The following CORO1C variants were observed in gnomAD, a reference collection of about 807,000 sequenced individuals.
CORO1C encodes the protein coronin 1C, also known as coronin-1C.
In CORO1C, 14 loss-of-function variants were observed where a neutral mutation model predicts 51.2. The ratio of observed to expected loss-of-function variants is 0.27; its 90% CI spans 0.18 to 0.43. The LOEUF (loss-of-function observed/expected upper bound fraction) is 0.43, where lower values mean the gene tolerates loss of function less well. Among genes scored for constraint, CORO1C ranks in the 20% least tolerant of loss-of-function variants. CORO1C has a pLI of 1.00. For synonymous variants in CORO1C, 181 were observed against 210.5 expected (o/e 0.86, Z 1.21); for missense variants, 417 against 607.8 (o/e 0.69, Z 3.30).
chr12:108,655,459 C>T (rs2032911604), intron 6 of CORO1C, among the ~76,000 whole-genome samples: 1 of 150,422 alleles, frequency 6.6e-6, no homozygotes, highest in African/African-American at 2.4e-5. Flanking sequence ...GCTGCCATCT[C>T]GACTCACTGC....
At chr12:108,707,743 A>C (rs978926196) in intron 1 of CORO1C, among the ~76,000 whole-genome samples, 2 of 152,224 alleles carry the variant, frequency 1.3e-5, no homozygotes, top group Non-Finnish European at 1.5e-5. Flanking sequence ...ATCTGATAAG[A>C]CACTTGTATC....
In CORO1C at chr12:108,682,037, A is replaced by G. The variant is rs1211819282; in HGVS notation, c.196-3643T>C. Among the ~76,000 whole-genome samples, 3 of 149,978 alleles carry G rather than the reference A, an allele frequency of 2.0e-5. No homozygotes were observed. In the East Asian group the frequency reaches 6.0e-4, roughly 30 times the overall value. On this transcript the variant is annotated intron_variant, in intron 2 of 10. Coordinates refer to ENST00000261401, the MANE Select transcript of CORO1C (RefSeq NM_014325.4). ...TACTAAAAGGAAAGAGAGAGAATGTATAATTTCTGGGGGTGGGTGGGGGTG... is the reference window on the plus strand; with the variant it reads ...TACTAAAAGGAAAGAGAGAGAATGTGTAATTTCTGGGGGTGGGTGGGGGTG...
At chr12:108,684,070 C>T (rs1257437128) in intron 2 of CORO1C, among the ~76,000 whole-genome samples, 1 of 152,032 alleles carries the variant, frequency 6.6e-6, no homozygotes, top group Admixed American at 6.6e-5. Context: ...TTACAAAGTG[C>T]AAGAAGAGGT....
chr12:108,663,335 C>A (rs117619728), intron 3 of CORO1C, among the ~76,000 whole-genome samples: 4,588 of 152,296 alleles, frequency 0.03, 89 homozygotes, highest in Non-Finnish European at 0.049. Context: ...TAGGGATATA[C>A]CCAAGAGGAT....
chr12:108,702,804 C>T (rs1002011833), intron 1 of CORO1C: 56 of 1,528,944 alleles, frequency 3.7e-5, no homozygotes, highest in East Asian at 4.9e-5. Flanking sequence ...ACCCTTCCAA[C>T]GCATGTGTGA....
Position 108,658,789 on chromosome 12 carries a change from G to A in CORO1C, c.579C>T (p.Ser193=), listed in dbSNP as rs773909841. 1.9e-6 allele frequency: 3 copies of A among 1,613,136 alleles called. No individual in the cohort carries two copies. The South Asian group carries it at 3.3e-5, about 18-fold the overall frequency. Residue 193 remains serine (S), a synonymous_variant, in exon 5 of 11, where the codon TCC becomes TCT. Transcript: ENST00000261401. The surrounding 1 kb of genome is among the most constrained non-coding windows in gnomAD (Gnocchi z 4.9). ...NRNGSLICTA[S]KDKKVRVIDP... is the part of the protein sequence containing the mutation. ...CAATGACTCTCACTTTCTTGTCTTT[G>A]GAAGCTGTGCAGATCAGACTGCCAT... is the stretch of plus-strand genomic sequence containing the variant.
At chr12:108,725,800 A>AATTT (rs201740792) in intron 1 of CORO1C, among the ~76,000 whole-genome samples, 330 of 151,268 alleles carry the variant, frequency 2.2e-3, no homozygotes, top group Admixed American at 3.2e-3. Flanking sequence ...GTGCTAAGTG[A>AATTT]ATTTATTTAT....
intron 1 of CORO1C, chr12:108,702,994 G>A: frequency 6.8e-7 from 1 of 1,469,406 alleles, no homozygotes; most frequent in Non-Finnish European, 9.0e-7. Flanking sequence ...CGTGGCCAGG[G>A]TCCTTCATTT....
intron 2 of CORO1C, among the ~76,000 whole-genome samples, chr12:108,681,577 AC>A (rs1233947071): frequency 6.6e-6 from 1 of 152,188 alleles, no homozygotes; most frequent in African/African-American, 2.4e-5. Context: ...AAGAAAAACC[AC>A]CACCCTTGTA....
At chr12:108,689,516 A>G (rs796271185) in intron 2 of CORO1C, among the ~76,000 whole-genome samples, 8 of 152,284 alleles carry the variant, frequency 5.3e-5, no homozygotes, top group African/African-American at 1.9e-4. Flanking sequence ...TGCTTTCTAC[A>G]CGGTTTCCCT....
intron 1 of CORO1C, among the ~76,000 whole-genome samples, chr12:108,715,017 G>C (rs756667040): frequency 1.3e-5 from 2 of 152,148 alleles, no homozygotes; most frequent in African/African-American, 2.4e-5. Flanking sequence ...AGTCTGACAA[G>C]AAGTAAAATG....
At position 108,646,293 on chromosome 12, in the gene CORO1C, G is replaced by A. The variant is rs2032358683; in HGVS notation, c.*1110C>T. The A allele has an allele frequency of 6.6e-6, 1 of 152,196 alleles. No homozygotes were observed. The highest frequency in any genetic ancestry group is 2.1e-4 in the South Asian group (1 of 4,832). 9.4% of individuals were successfully genotyped at this position (152,196 alleles called of 1,614,324 possible). A position where few individuals can be genotyped will look rare whatever the true frequency, so the allele number is the denominator to read the frequency against. ...CAGGAGCTTTGTTGGTGGAAGGAGA[G>A]CCACTTCCTCCTCCAACACAGCATG... On this transcript the variant is annotated 3_prime_UTR_variant, in exon 11 of 11. Coordinates refer to ENST00000261401, the MANE Select transcript of CORO1C (RefSeq NM_014325.4).
At chr12:108,690,596 C>G (rs550105079) in intron 2 of CORO1C, among the ~76,000 whole-genome samples, 101 of 152,182 alleles carry the variant, frequency 6.6e-4, no homozygotes, top group Non-Finnish European at 7.5e-4. Flanking sequence ...GAAAAGTTAA[C>G]ATTTCCTTAC....
rs2032488643 is a variant in CORO1C, at chr12:108,648,593, A to G, written c.1305+12T>C. On this transcript the variant is annotated intron_variant, in intron 10 of 10. Coordinates refer to ENST00000261401, the MANE Select transcript of CORO1C (RefSeq NM_014325.4). ...AACCAGCCAAGCACCCCTGCACTCC[A>G]CTGGTCCTCACCACACTGGCCGTGT... 1.9e-6 allele frequency: 3 copies of G among 1,613,880 alleles called. No individual in the cohort carries two copies.
At chr12:108,654,439 ATGTG>A in intron 6 of CORO1C, 29 bp from the exon 7 acceptor site, 3 of 1,222,792 alleles carry the variant, frequency 2.5e-6, no homozygotes, top group Non-Finnish European at 2.4e-6. Context: ...TAATACATAT[ATGTG>A]TATGTATACA....
chr12:108,729,761 C>G (rs2035673776), intron 1 of CORO1C, among the ~76,000 whole-genome samples: 1 of 152,200 alleles, frequency 6.6e-6, no homozygotes, highest in African/African-American at 2.4e-5. Context: ...AGATTTTGCA[C>G]ATTTCTTCAG....
chr12:108,672,376 T>C (rs1320655424), intron 3 of CORO1C, among the ~76,000 whole-genome samples: 3 of 152,240 alleles, frequency 2.0e-5, no homozygotes, highest in Admixed American at 6.5e-5. Flanking sequence ...AAAAGTTGTT[T>C]AGTTTTTCAA....
At chr12:108,666,086 C>A (rs1331551416) in intron 3 of CORO1C, among the ~76,000 whole-genome samples, 1 of 152,176 alleles carries the variant, frequency 6.6e-6, no homozygotes, top group Admixed American at 6.5e-5. Context: ...CAGGAGGGCT[C>A]CCTGAGGAGG....
In CORO1C at chr12:108,647,515, T is replaced by G; in HGVS notation, c.1313A>C (p.Glu438Ala). 1.2e-6 allele frequency: 2 copies of G among 1,601,066 alleles called. No homozygotes were observed. The highest frequency in any genetic ancestry group is 1.1e-5 in the South Asian group (1 of 89,638). Residue 438 changes from glutamate to alanine, a missense_variant, in exon 11 of 11, where the codon GAA becomes GCA. Physicochemically the swap from Glu to Ala is moderately radical, Grantham distance 107. Coordinates refer to ENST00000261401, the MANE Select transcript of CORO1C (RefSeq NM_014325.4). The stretch of plus-strand genomic sequence containing the variant: ...TTTTAAAATCTCATCCAACTTGGCT[T>G]CATTTTGCTAAGAAAACAAAAAAAG... ...KTTDTASVQNEAKLDEILKEI... is the reference protein window; with the variant it reads ...KTTDTASVQNAAKLDEILKEI...
Sources: allele counts gnomAD v4.1 joint callset (sites outside exome capture counted in the v4.1 genomes callset), GRCh38; gene constraint gnomAD v4.1.1; non-coding constraint Gnocchi (gnomAD v3.1); transcripts MANE v1.5; gene names NCBI Gene and HGNC (gene_info 2026-07-23, HGNC 2026-07-21).